Variants in ZMIZ1 observed in about 807,000 individuals in gnomAD.
ZMIZ1 encodes zinc finger MIZ domain-containing protein 1.
Under a neutral mutation model 113.9 loss-of-function variants are expected in ZMIZ1, and 17 were observed. The observed-to-expected ratio is 0.15, with a 90% CI of 0.10 to 0.22. The LOEUF (loss-of-function observed/expected upper bound fraction) is 0.22, where lower values mean the gene tolerates loss of function less well. Among genes scored for constraint, ZMIZ1 ranks in the 10% least tolerant of loss-of-function variants. The pLI, the probability that ZMIZ1 is intolerant of heterozygous loss-of-function variation, is 1.00. For synonymous variants in ZMIZ1, 607 were observed against 603.1 expected (o/e 1.01, Z -0.09); for missense variants, 1,059 against 1,477.8 (o/e 0.72, Z 4.65).
intron 7 of ZMIZ1, among the ~76,000 whole-genome samples, chr10:79,258,213 C>T (rs1450453503): frequency 6.6e-6 from 1 of 152,086 alleles, no homozygotes. Context: ...GAGGACTCAT[C>T]TCTACTAAGA....
intron 1 of ZMIZ1, among the ~76,000 whole-genome samples, chr10:79,070,108 C>A (rs932640217): frequency 3.9e-5 from 2 of 51,370 alleles, no homozygotes; most frequent in African/African-American, 1.2e-4. Flanking sequence ...GGAGGCCAGC[C>A]GGGGCGGAGG....
At chr10:79,152,985 C>A (rs866206406) in intron 3 of ZMIZ1, among the ~76,000 whole-genome samples, 2 of 152,338 alleles carry the variant, frequency 1.3e-5, no homozygotes, top group South Asian at 4.1e-4. Context: ...TTCCAGGGCC[C>A]CAGAGGATGG....
At chr10:79,269,456 A>AACACACACACACACACACACACACACAC (rs55634343) in intron 7 of ZMIZ1, among the ~76,000 whole-genome samples, 30 of 138,568 alleles carry the variant, frequency 2.2e-4, no homozygotes, top group East Asian at 6.7e-4. Flanking sequence ...ACCTCCCCCC[A>AACACACACACACACACACACACACACAC]ACACACACAC....
chr10:79,237,202 G>A (rs866251344), intron 7 of ZMIZ1, among the ~76,000 whole-genome samples: 2 of 152,200 alleles, frequency 1.3e-5, no homozygotes, highest in Non-Finnish European at 2.9e-5. Context: ...AGAGTAAGCC[G>A]AGGGGGACTG....
Position 79,311,204 on chromosome 10 carries a change from C to A in ZMIZ1, c.3096+20C>A. ...CTGGATGTAAGTTGGGGTCGCCACT[C>A]GCCTTGGCCTGGGGCTAGGCCTGGC... On this transcript the variant is annotated intron_variant, in intron 24 of 24. Transcript: ENST00000334512. 6.3e-7 allele frequency: 1 copy of A among 1,593,270 alleles called. No individual in the cohort carries two copies. The highest frequency in any genetic ancestry group is 8.6e-7 in the Non-Finnish European group (1 of 1,168,818).
At chr10:79,264,463 C>G (rs925631895) in intron 7 of ZMIZ1, among the ~76,000 whole-genome samples, 2 of 152,226 alleles carry the variant, frequency 1.3e-5, no homozygotes, top group Admixed American at 1.3e-4. Flanking sequence ...CACCTCTCCC[C>G]TCTCCAGCAC....
At chr10:79,236,041 T>A (rs1589459190) in intron 7 of ZMIZ1, among the ~76,000 whole-genome samples, 2 of 152,322 alleles carry the variant, frequency 1.3e-5, no homozygotes, top group East Asian at 3.9e-4. Context: ...TTGAGCTGGC[T>A]TGATTGCAAA....
At chr10:79,230,161 C>G (rs911315062) in intron 7 of ZMIZ1, among the ~76,000 whole-genome samples, 1 of 152,072 alleles carries the variant, frequency 6.6e-6, no homozygotes, top group African/African-American at 2.4e-5. Context: ...TCTCTCTCCC[C>G]GCCCCCCTTT....
At chr10:79,291,357 C>T (rs973806287) in intron 10 of ZMIZ1, among the ~76,000 whole-genome samples, 181 bp downstream of exon 10, 5 of 152,238 alleles carry the variant, frequency 3.3e-5, no homozygotes, top group Non-Finnish European at 7.3e-5. Flanking sequence ...GCAGATAAGG[C>T]GCTGCAGCAG....
At chr10:79,169,593 T>G (rs959646790) in intron 4 of ZMIZ1, among the ~76,000 whole-genome samples, 3 of 152,222 alleles carry the variant, frequency 2.0e-5, no homozygotes, top group Non-Finnish European at 4.4e-5. Flanking sequence ...GCTGGAGAAG[T>G]CACTACACAG....
intron 3 of ZMIZ1, among the ~76,000 whole-genome samples, chr10:79,157,368 GGTGTGTGTGTGTGTGT>G (rs10573955): frequency 4.7e-5 from 7 of 147,604 alleles, no homozygotes; most frequent in Non-Finnish European, 7.5e-5. Flanking sequence ...AGGCATAAGG[GGTGTGTGTGTGTGTGT>G]GTGTGTGTGT....
At chr10:79,286,477 G>A (rs182829909) in intron 8 of ZMIZ1, among the ~76,000 whole-genome samples, 263 of 152,374 alleles carry the variant, frequency 1.7e-3, no homozygotes, top group Admixed American at 2.8e-3. Context: ...TTCTGCAGCA[G>A]GTGCGTGTGG....
At chr10:79,235,446 C>G (rs1343313477) in intron 7 of ZMIZ1, among the ~76,000 whole-genome samples, 1 of 152,236 alleles carries the variant, frequency 6.6e-6, no homozygotes, top group Non-Finnish European at 1.5e-5. Flanking sequence ...TTTACCTCTC[C>G]TAGCACCCTA....
intron 6 of ZMIZ1, among the ~76,000 whole-genome samples, chr10:79,212,197 G>A (rs7098861): frequency 0.028 from 4,247 of 150,538 alleles, 184 homozygotes; most frequent in African/African-American, 0.099. Flanking sequence ...TTGCTCTGTC[G>A]TCCAGGCTGG....
chr10:79,301,756 TC>T (rs1854315218), intron 17 of ZMIZ1, among the ~76,000 whole-genome samples: 1 of 152,080 alleles, frequency 6.6e-6, no homozygotes, highest in Non-Finnish European at 1.5e-5. Flanking sequence ...CTGGAAGGCT[TC>T]CTGGAGGAGT....
In ZMIZ1 at chr10:79,089,661, C is replaced by T. The variant is rs116241958; in HGVS notation, c.-337+20391C>T. On this transcript the variant is annotated intron_variant, in intron 1 of 24. Transcript: ENST00000334512. ...AATCCCAGGGAGGATGTGTCAGTTC[C>T]GAGGGCCACTGAGATCACCACCTCC... Among the ~76,000 whole-genome samples, 803 of 152,188 alleles carry T rather than the reference C, an allele frequency of 5.3e-3. 11 individuals are homozygous for T. Among genetic ancestry groups the T allele is most frequent in the African/African-American group, 0.018 (758 of 41,500 alleles).
At chr10:79,130,633 G>A (rs751031910) in intron 2 of ZMIZ1, among the ~76,000 whole-genome samples, 18 of 152,130 alleles carry the variant, frequency 1.2e-4, no homozygotes, top group Non-Finnish European at 2.5e-4. Context: ...GTGCATAGGC[G>A]CTGGGGTCAT....
intron 2 of ZMIZ1, among the ~76,000 whole-genome samples, chr10:79,134,664 C>T (rs900254010): frequency 6.6e-6 from 1 of 152,128 alleles, no homozygotes; most frequent in Non-Finnish European, 1.5e-5. Context: ...GTGGGCTATC[C>T]GGACACATGT....
At chr10:79,127,050 C>T (rs1325258385) in intron 2 of ZMIZ1, among the ~76,000 whole-genome samples, 1 of 152,214 alleles carries the variant, frequency 6.6e-6, no homozygotes, top group Non-Finnish European at 1.5e-5. Flanking sequence ...AGAGATGCGC[C>T]TCCCTTCTCT....
Sources: allele counts gnomAD v4.1 joint callset (sites outside exome capture counted in the v4.1 genomes callset), GRCh38; gene constraint gnomAD v4.1.1; transcripts MANE v1.5; gene names NCBI Gene and HGNC (gene_info 2026-07-23, HGNC 2026-07-21).